OCA2: variants seen among roughly 807,000 people sequenced by gnomAD.
OCA2 encodes OCA2 melanosomal transmembrane protein.
In OCA2, 77 loss-of-function variants were observed where a neutral mutation model predicts 100.2. The observed-to-expected ratio is 0.77, with a 90% CI of 0.64 to 0.93. OCA2 has a LOEUF of 0.93. Ranked by LOEUF, OCA2 falls within the 40% of genes least tolerant of loss-of-function variation. The probability of loss-of-function intolerance (pLI) is 0.00; values close to 1 mark genes in which losing one functional copy is unlikely to be tolerated. For synonymous variants in OCA2, 432 were observed against 439.2 expected (o/e 0.98, Z 0.21); for missense variants, 1,062 against 1,089.1 (o/e 0.98, Z 0.35).
At chr15:27,960,441 C>T (rs1316811971) in intron 15 of OCA2, among the ~76,000 whole-genome samples, 51 of 152,190 alleles carry the variant, frequency 3.4e-4, no homozygotes, top group Admixed American at 3.3e-3. Flanking sequence ...TGGCACAGCT[C>T]TTGCCTTGTC....
At chr15:28,094,400 G>A (rs1022474122) in intron 1 of OCA2, among the ~76,000 whole-genome samples, 1 of 152,184 alleles carries the variant, frequency 6.6e-6, no homozygotes, top group South Asian at 2.1e-4. Flanking sequence ...CGGGAGAGGG[G>A]TAGGGGAGCT....
At chr15:28,038,123 G>A (rs1337897653) in intron 2 of OCA2, among the ~76,000 whole-genome samples, 1 of 151,930 alleles carries the variant, frequency 6.6e-6, no homozygotes, top group African/African-American at 2.4e-5. Flanking sequence ...AGGGACTCTT[G>A]TTTGCGGCCT....
chr15:27,770,923 C>CTCTTTTTTCTTCCTTCCTTCCCTCCG, intron 23 of OCA2, among the ~76,000 whole-genome samples: 1 of 136,862 alleles, frequency 7.3e-6, no homozygotes, highest in Non-Finnish European at 1.7e-5. Flanking sequence ...TCCTCCCTCC[C>CTCTTTTTTCTTCCTTCCTTCCCTCCG]TCTTTTCCTT....
chr15:27,902,782 C>T (rs899014252), intron 19 of OCA2, among the ~76,000 whole-genome samples: 1 of 152,322 alleles, frequency 6.6e-6, no homozygotes, highest in African/African-American at 2.4e-5. Flanking sequence ...GCACCATACG[C>T]GGAAACACTA....
intron 21 of OCA2, among the ~76,000 whole-genome samples, chr15:27,863,309 A>G (rs1316490839): frequency 2.0e-5 from 3 of 152,194 alleles, no homozygotes; most frequent in African/African-American, 4.8e-5. Context: ...CAAGTGCCTC[A>G]GGTAAGCACA....
At chr15:28,054,269 A>G (rs2043615737) in intron 2 of OCA2, among the ~76,000 whole-genome samples, 1 of 152,166 alleles carries the variant, frequency 6.6e-6, no homozygotes, top group Non-Finnish European at 1.5e-5. Context: ...GATGCATATA[A>G]TCATGTGTGC....
At chr15:28,089,608 A>G (rs2044838493) in intron 1 of OCA2, among the ~76,000 whole-genome samples, 1 of 152,214 alleles carries the variant, frequency 6.6e-6, no homozygotes, top group African/African-American at 2.4e-5. Flanking sequence ...TAGCCCTAAC[A>G]TATCAGAAAA....
chr15:28,070,555 C>T (rs1261051995), intron 2 of OCA2, among the ~76,000 whole-genome samples: 7 of 146,712 alleles, frequency 4.8e-5, no homozygotes, highest in African/African-American at 7.7e-5. Context: ...GTCAGCCCTC[C>T]GCCCGGCCAG....
chr15:27,748,422 GC>G, the OCA2 span, among the ~76,000 whole-genome samples: 1 of 152,156 alleles, frequency 6.6e-6, no homozygotes, highest in East Asian at 1.9e-4. Flanking sequence ...TCAGCAGGGA[GC>G]AGTGGAAGCA....
the OCA2 span, among the ~76,000 whole-genome samples, chr15:27,721,877 T>C: frequency 2.0e-5 from 3 of 152,298 alleles, no homozygotes; most frequent in South Asian, 2.1e-4. Flanking sequence ...GGGGAAAAAG[T>C]GACAAGAAGA....
rs1566889891 is a variant in OCA2, at chr15:28,096,709, C to T, written c.-22+2515G>A. 2.0e-5 allele frequency among the ~76,000 whole-genome samples: 3 copies of T among 152,206 alleles called. No individual in the cohort carries two copies. The South Asian group carries it at 6.2e-4, about 31-fold the overall frequency. ...GCTTCTAGAACGTTAAGCCAAACAT[C>T]GTGGCTTTCCATCCGTTTTCTGTTC... is the stretch of plus-strand genomic sequence containing the variant. On this transcript the variant is annotated intron_variant, in intron 1 of 23. Transcript: ENST00000354638.
intron 14 of OCA2, among the ~76,000 whole-genome samples, chr15:27,967,279 C>T (rs1483660773): frequency 6.6e-6 from 1 of 152,142 alleles, no homozygotes; most frequent in African/African-American, 2.4e-5. Context: ...TGGAGCCCAA[C>T]ACAAAGCCCA....
At chr15:27,920,039 G>A (rs2703944) in intron 19 of OCA2, among the ~76,000 whole-genome samples, 97,013 of 151,872 alleles carry the variant, frequency 0.64, 31,581 homozygotes, top group East Asian at 0.96. Context: ...TAACAGAGAG[G>A]CCAGGGAAAG....
chr15:27,881,176 A>C (rs1007371055), intron 19 of OCA2, among the ~76,000 whole-genome samples: 3 of 152,196 alleles, frequency 2.0e-5, no homozygotes, highest in Admixed American at 2.0e-4. Context: ...TGATTTGAGT[A>C]GGTTGAACCA....
chr15:28,037,040 T>C (rs180871078), intron 2 of OCA2, among the ~76,000 whole-genome samples: 1 of 152,024 alleles, frequency 6.6e-6, no homozygotes, highest in Non-Finnish European at 1.5e-5. Flanking sequence ...CCTGCTCAAG[T>C]CATATGCAGG....
intron 23 of OCA2, among the ~76,000 whole-genome samples, chr15:27,807,178 C>G (rs2033892102): frequency 2.6e-5 from 4 of 152,156 alleles, no homozygotes; most frequent in African/African-American, 9.7e-5. Flanking sequence ...ACCTCACACC[C>G]TCTAAGCCCT....
At chr15:27,793,872 C>T (rs968075601) in intron 23 of OCA2, among the ~76,000 whole-genome samples, 54 of 152,196 alleles carry the variant, frequency 3.5e-4, no homozygotes, top group East Asian at 9.7e-4. Context: ...TCCTGGGCTG[C>T]GTGAATGGAC....
intron 1 of OCA2, among the ~76,000 whole-genome samples, chr15:28,092,917 C>A (rs2044894859): frequency 6.6e-6 from 1 of 152,084 alleles, no homozygotes; most frequent in Non-Finnish European, 1.5e-5. Context: ...TGGTGAGAAA[C>A]CTGAAGCTTT....
intron 19 of OCA2, among the ~76,000 whole-genome samples, chr15:27,892,506 A>C (rs2037504170): frequency 6.6e-6 from 1 of 150,532 alleles, no homozygotes; most frequent in South Asian, 2.1e-4. Context: ...AATATATAGA[A>C]CTGAATTTTA....
Sources: allele counts gnomAD v4.1 joint callset (sites outside exome capture counted in the v4.1 genomes callset), GRCh38; gene constraint gnomAD v4.1.1; transcripts MANE v1.5; gene names NCBI Gene and HGNC (gene_info 2026-07-23, HGNC 2026-07-21).